The following ZNF548 variants were observed in gnomAD, a reference collection of about 807,000 sequenced individuals.
ZNF548 encodes the protein zinc finger protein 548.
A neutral mutation model predicts 10.2 loss-of-function variants in ZNF548; 10 were observed. That is an observed-to-expected ratio of 0.98 (90% CI 0.60 to 1.66). The LOEUF (loss-of-function observed/expected upper bound fraction) is 1.66. ZNF548 is among the 40% of genes most tolerant of loss of function. ZNF548 has a pLI of 0.00. For synonymous variants in ZNF548, 217 were observed against 223.5 expected, an observed-to-expected ratio of 0.97 and a Z score of 0.26; for missense variants, 599 against 657.0, an observed-to-expected ratio of 0.91 and a Z score of 0.97.
rs2088610922 is a variant in ZNF548 at position 57,390,014 on chromosome 19, C to A, written c.-86C>A. The A allele has an allele frequency of 6.7e-7, 1 of 1,503,352 alleles. No individual in the cohort carries two copies. The highest frequency in any genetic ancestry group is 1.9e-5 in the Admixed American group (1 of 51,572). The allele number at this position is 1,503,352 out of a possible 1,614,324, so 93.1% of individuals were successfully genotyped here. On this transcript the variant is annotated 5_prime_UTR_variant, in exon 1 of 4. Coordinates refer to ENST00000336128, the MANE Select transcript of ZNF548 (RefSeq NM_001172773.2). ...GGAGAGGCGGGAGTGAGTCAACTGACAAGCGCTGGGGACAGTGGCGTCCTT... is the reference window on the plus strand; with the variant it reads ...GGAGAGGCGGGAGTGAGTCAACTGAAAAGCGCTGGGGACAGTGGCGTCCTT...
rs1450828992 is a variant in ZNF548, at chr19:57,390,168, C to T, written c.15+54C>T. 3.8e-6 allele frequency: 6 copies of T among 1,591,132 alleles called. No homozygotes were observed. In the Admixed American group the frequency reaches 5.1e-5, roughly 13 times the overall value. On this transcript the variant is annotated intron_variant, in intron 1 of 3. Coordinates refer to ENST00000336128, the MANE Select transcript of ZNF548 (RefSeq NM_001172773.2). Reference sequence around the variant, plus strand: ...CCGACCGGTCCTCCCAGTGCTGAAGCCCCCTGAAGGGGCCCTGCAGGTCAG... The same window carrying T: ...CCGACCGGTCCTCCCAGTGCTGAAGTCCCCTGAAGGGGCCCTGCAGGTCAG...
chr19:57,392,993 C>T (rs750626947), intron 1 of ZNF548: 33 of 985,102 alleles, frequency 3.3e-5, no homozygotes, highest in South Asian at 4.7e-5. Flanking sequence ...GAGGTGGTTT[C>T]GATCCTGCAC....
At chr19:57,391,788 T>G (rs1261943413) in intron 1 of ZNF548, among the ~76,000 whole-genome samples, 2 of 121,876 alleles carry the variant, frequency 1.6e-5, no homozygotes, top group African/African-American at 2.8e-5. Context: ...CTGTGCTTAC[T>G]GTTTTTTTTT....
rs1694253147 is a variant in ZNF548 at position 57,389,903 on chromosome 19, T to G, written c.-197T>G. ...GTGGTCGTTTTGGTTCTGTGTGGTG[T>G]TTCACCAACTTCGGCCTATGGCTCT... On this transcript the variant is annotated 5_prime_UTR_variant, in exon 1 of 4. Coordinates refer to ENST00000336128, the MANE Select transcript of ZNF548 (RefSeq NM_001172773.2). 9 of 589,238 alleles carry G rather than the reference T, an allele frequency of 1.5e-5. No homozygotes were observed. Among genetic ancestry groups the G allele is most frequent in the South Asian group, 2.7e-5 (1 of 37,664 alleles). The allele number at this position is 589,238 out of a possible 1,614,324, so 36.5% of individuals were successfully genotyped here.
intron 1 of ZNF548, chr19:57,390,385 A>G (rs953831879): frequency 5.1e-6 from 2 of 393,828 alleles, no homozygotes; most frequent in African/African-American, 4.1e-5. Flanking sequence ...CTCGCTTGGA[A>G]TGGCAACCTG....
chr19:57,398,685 G>A lies in ZNF548; in HGVS notation c.434G>A (p.Gly145Glu), dbSNP rs1185359502. Residue 145 changes from glycine (G) to glutamate (E), a missense_variant, in exon 4 of 4, where the codon GGG (glycine) becomes GAG (glutamate). Physicochemically the swap from Gly to Glu is moderately conservative, Grantham distance 98. Coordinates refer to ENST00000336128, the MANE Select transcript of ZNF548 (RefSeq NM_001172773.2). ...CAAATTGGAGAAAATCTTTCCAGAG[G>A]GGATGATTGGATACCTTCATTTGGG... ...KQQIGENLSR[G>E]DDWIPSFGKN... is the part of the protein sequence containing the mutation. 6.8e-6 allele frequency: 11 copies of A among 1,613,888 alleles called. No individual in the cohort carries two copies. The African/African-American group carries it at 1.2e-4, about 18-fold the overall frequency.
At chr19:57,397,660 C>T (rs564505165) in intron 3 of ZNF548, among the ~76,000 whole-genome samples, 45 of 152,304 alleles carry the variant, frequency 3.0e-4, no homozygotes, top group African/African-American at 1.1e-3. Flanking sequence ...CTTGATCTCT[C>T]TGGGCATGTG....
chr19:57,396,618 C>A (rs2088666925), intron 2 of ZNF548, among the ~76,000 whole-genome samples: 1 of 152,216 alleles, frequency 6.6e-6, no homozygotes, highest in Non-Finnish European at 1.5e-5. Context: ...TTATTCCTTG[C>A]ATTTCCCCAA....
In ZNF548 at chr19:57,399,907, TAATGTTATATA is replaced by T; in HGVS notation, c.*22_*32del. Reference sequence around the variant, plus strand: ...ACCATTGACTATTGTAATTGGGTAGTAATGTTATATAAATTCCACATTTTTATGCAACTAAT... The same window carrying T: ...ACCATTGACTATTGTAATTGGGTAGTAATTCCACATTTTTATGCAACTAAT... On this transcript the variant is annotated 3_prime_UTR_variant, in exon 4 of 4. Coordinates refer to ENST00000336128, the MANE Select transcript of ZNF548 (RefSeq NM_001172773.2). This position sits in a 1 kb window ranked among gnomAD's most constrained non-coding sequence, Gnocchi z 4.0. 1 of 1,507,228 alleles carries T rather than the reference TAATGTTATATA, an allele frequency of 6.6e-7. No individual in the cohort carries two copies. The highest frequency in any genetic ancestry group is 8.9e-7 in the Non-Finnish European group (1 of 1,124,106). 93.4% of individuals were successfully genotyped at this position (1,507,228 alleles called of 1,614,324 possible).
chr19:57,395,968 G>A lies in ZNF548; in HGVS notation c.52-1080G>A, dbSNP rs898566588. On this transcript the variant is annotated intron_variant, in intron 2 of 3. Transcript: ENST00000336128. The surrounding 1 kb of genome is among the most constrained non-coding windows in gnomAD (Gnocchi z 4.8). ...CAACCCAGGGCTTAGGGCTGCCCCCGGTGCTAGGGGACTTTGGTGTTCTGG... is the reference window on the plus strand; with the variant it reads ...CAACCCAGGGCTTAGGGCTGCCCCCAGTGCTAGGGGACTTTGGTGTTCTGG... Among the ~76,000 whole-genome samples, 4 of 152,100 alleles carry A rather than the reference G, an allele frequency of 2.6e-5. No individual in the cohort carries two copies. Among genetic ancestry groups the A allele is most frequent in the South Asian group, 2.1e-4 (1 of 4,824 alleles).
rs116802011 is a variant in ZNF548, at chr19:57,396,867, C to T, written c.52-181C>T. On this transcript the variant is annotated intron_variant, in intron 2 of 3. Coordinates refer to ENST00000336128, the MANE Select transcript of ZNF548 (RefSeq NM_001172773.2). ...CCTGGCCCTGGGTTGATTTAGAGTACGGGAAATATTGGCTTGGTTTGAGAA... is the reference window on the plus strand; with the variant it reads ...CCTGGCCCTGGGTTGATTTAGAGTATGGGAAATATTGGCTTGGTTTGAGAA... The T allele has an allele frequency of 5.4e-4, 460 of 846,244 alleles. 2 individuals carry two copies. The African/African-American group carries it at 6.6e-3, about 12-fold the overall frequency. The allele number at this position is 846,244 out of a possible 1,614,324, so 52.4% of individuals were successfully genotyped here. A position where few individuals can be genotyped will look rare whatever the true frequency, so the allele number is the denominator to read the frequency against.
At chr19:57,393,965 G>A (rs569059058) in intron 1 of ZNF548, 74 of 617,984 alleles carry the variant, frequency 1.2e-4, no homozygotes, top group South Asian at 1.1e-3. Context: ...CCCTGTGAGG[G>A]GGCAGCTATT....
rs770145152 is a variant in ZNF548 at position 57,398,508 on chromosome 19, C to T, written c.257C>T (p.Ser86Leu). 3.7e-6 allele frequency: 6 copies of T among 1,614,048 alleles called. No individual in the cohort carries two copies. The Admixed American group carries it at 6.7e-5, about 18-fold the overall frequency. The change falls in exon 4 of 4, where the codon TCA (serine) becomes TTA (leucine). Residue 86 changes from serine (S) to leucine (L), a missense_variant. By Grantham distance (145) the Ser-to-Leu change is moderately radical. Coordinates refer to ENST00000336128, the MANE Select transcript of ZNF548 (RefSeq NM_001172773.2). ...GTAGGAGTGTCAGAGGTTACAGCTT[C>T]AAAGCCCTGTCTGTCCAGCCAGAAG... ...FSVGVSEVTA[S>L]KPCLSSQKVH... is the part of the protein sequence containing the mutation.
chr19:57,390,121 G>C lies in ZNF548; in HGVS notation c.15+7G>C. 1 of 1,607,864 alleles carries C rather than the reference G, an allele frequency of 6.2e-7. No individual in the cohort carries two copies. The highest frequency in any genetic ancestry group is 8.5e-7 in the Non-Finnish European group (1 of 1,179,304). ...GCTGATGAACCTGACTGAGGTGGGT[G>C]TCCCGTCCCAGGCTCCCCCGCCCGA... On this transcript the variant is annotated splice_region_variant and intron_variant, in intron 1 of 3. Transcript: ENST00000336128.
In ZNF548 at chr19:57,400,309, T is replaced by C. The variant is rs2088705134; in HGVS notation, c.*420T>C. ...GGATACTTGGGCTACTTCCACCTTT[T>C]GCCTATTGAAATAATGCTGCTATGA... On this transcript the variant is annotated 3_prime_UTR_variant, in exon 4 of 4. Coordinates refer to ENST00000336128, the MANE Select transcript of ZNF548 (RefSeq NM_001172773.2). The C allele has an allele frequency of 5.9e-6, 1 of 168,968 alleles. No homozygotes were observed. The highest frequency in any genetic ancestry group is 5.5e-5 in the Admixed American group (1 of 18,230). The allele number at this position is 168,968 out of a possible 1,614,324, so 10.5% of individuals were successfully genotyped here.
At chr19:57,396,851 G>T (rs181262157) in intron 2 of ZNF548, 197 bp from the exon 3 acceptor site, 3 of 714,828 alleles carry the variant, frequency 4.2e-6, no homozygotes, top group Non-Finnish European at 6.6e-6. Context: ...ACCTGGCCCT[G>T]GGTTGATTTA....
chr19:57,398,497 G>A lies in ZNF548; in HGVS notation c.246G>A (p.Glu82=). The change falls in exon 4 of 4, where the codon GAG becomes GAA. Residue 82 remains glutamate (E), a synonymous_variant. Coordinates refer to ENST00000336128, the MANE Select transcript of ZNF548 (RefSeq NM_001172773.2). ...AAGGTTTTTCTGTAGGAGTGTCAGAGGTTACAGCTTCAAAGCCCTGTCTGT... is the reference window on the plus strand; with the variant it reads ...AAGGTTTTTCTGTAGGAGTGTCAGAAGTTACAGCTTCAAAGCCCTGTCTGT... ...SQQGFSVGVS[E]VTASKPCLSS... is the part of the protein sequence containing the mutation. 1 of 1,614,208 alleles carries A rather than the reference G, an allele frequency of 6.2e-7. No homozygotes were observed. The highest frequency in any genetic ancestry group is 8.5e-7 in the Non-Finnish European group (1 of 1,180,018).
At position 57,399,209 on chromosome 19, in the gene ZNF548, C is replaced by T. The variant is rs371609505; in HGVS notation, c.958C>T (p.Pro320Ser). 6.2e-7 allele frequency: 1 copy of T among 1,614,006 alleles called. No individual in the cohort carries two copies. Among genetic ancestry groups the T allele is most frequent in the African/African-American group, 1.3e-5 (1 of 74,996 alleles). The part of the protein sequence containing the change: ...RHQRVHTGER[P>S]YECRECGKFF... The stretch of plus-strand genomic sequence containing the variant: ...TCAGAGAGTTCACACCGGAGAAAGG[C>T]CGTATGAGTGCAGGGAATGTGGGAA... The change falls in exon 4 of 4, where the codon CCG (proline) becomes TCG (serine). Residue 320 changes from proline to serine, a missense_variant. Coordinates refer to ENST00000336128, the MANE Select transcript of ZNF548 (RefSeq NM_001172773.2). This position sits in a 1 kb window ranked among gnomAD's most constrained non-coding sequence, Gnocchi z 4.0.
rs1452910246 is a variant in ZNF548 at position 57,390,059 on chromosome 19, C to T, written c.-41C>T. The T allele has an allele frequency of 2.5e-6, 4 of 1,606,560 alleles. No homozygotes were observed. The Admixed American group carries it at 6.7e-5, about 27-fold the overall frequency. ...GTCCTTGTCTTGCCTTTGTCGCTCC[C>T]GCCCCGCTCTTCCCTGGCTGGGCTG... On this transcript the variant is annotated 5_prime_UTR_variant, in exon 1 of 4. Coordinates refer to ENST00000336128, the MANE Select transcript of ZNF548 (RefSeq NM_001172773.2).
Sources: gnomAD v4.1 joint callset for allele counts (sites outside exome capture counted in the v4.1 genomes callset) on GRCh38, gnomAD v4.1.1 for gene constraint, Gnocchi (gnomAD v3.1) non-coding constraint, MANE v1.5 for transcripts, NCBI Gene and HGNC (gene_info 2026-07-23, HGNC 2026-07-21) for gene names.